SLCO1C1: variants seen among roughly 807,000 people sequenced by gnomAD.
SLCO1C1 encodes the protein OAT-RP-5.
SLCO1C1 carries 70 observed loss-of-function variants against 76.4 expected under a neutral mutation model. The ratio of observed to expected loss-of-function variants is 0.92; its 90% confidence interval spans 0.76 to 1.12. The LOEUF (loss-of-function observed/expected upper bound fraction) is 1.12, where lower values mean the gene tolerates loss of function less well. Among genes scored for constraint, SLCO1C1 ranks in the 50% most tolerant of loss-of-function variants. The pLI, the probability that SLCO1C1 is intolerant of heterozygous loss-of-function variation, is 0.00. For missense variants in SLCO1C1, 912 were observed against 823.8 expected, an observed-to-expected ratio of 1.11 and a Z score of -1.31; for synonymous variants, 306 against 286.1, an observed-to-expected ratio of 1.07 and a Z score of -0.70.
chr12:20,721,795 G>C lies in SLCO1C1; in HGVS notation c.776-9G>C. Reference sequence around the variant, plus strand: ...TTTGTATTACTTAGCCATCCCCTCTGTCTTTCAGATCACATAACCATTACC... The same window carrying C: ...TTTGTATTACTTAGCCATCCCCTCTCTCTTTCAGATCACATAACCATTACC... On this transcript the variant is annotated splice_polypyrimidine_tract_variant and intron_variant, in intron 7 of 14. Coordinates refer to ENST00000266509, the MANE Select transcript of SLCO1C1 (RefSeq NM_017435.5). 1 of 1,613,654 alleles carries C rather than the reference G, an allele frequency of 6.2e-7. No individual in the cohort carries two copies. The highest frequency in any genetic ancestry group is 8.5e-7 in the Non-Finnish European group (1 of 1,179,698).
chr12:20,728,091 G>C (rs1193498040), intron 9 of SLCO1C1, among the ~76,000 whole-genome samples: 1 of 152,126 alleles, frequency 6.6e-6, no homozygotes, highest in Non-Finnish European at 1.5e-5. Context: ...TCTTTGCCGA[G>C]TGTGATACTG....
intron 9 of SLCO1C1, among the ~76,000 whole-genome samples, chr12:20,725,437 ATATAG>A (rs1469880205): frequency 6.8e-6 from 1 of 146,388 alleles, no homozygotes; most frequent in Non-Finnish European, 1.5e-5. Flanking sequence ...CTGGTATTAT[ATATAG>A]TATATTATGT....
intron 4 of SLCO1C1, among the ~76,000 whole-genome samples, chr12:20,706,303 T>C (rs1465254697): frequency 6.6e-6 from 1 of 152,080 alleles, no homozygotes; most frequent in Non-Finnish European, 1.5e-5. Context: ...ATCAACAAGA[T>C]TAAAGAAAGA....
At chr12:20,698,715 A>G (rs539049975) in intron 1 of SLCO1C1, among the ~76,000 whole-genome samples, 2 of 152,128 alleles carry the variant, frequency 1.3e-5, no homozygotes, top group South Asian at 2.1e-4. Context: ...GGGTCATCTG[A>G]TAATATTAGG....
chr12:20,700,907 T>C (rs1483724296), intron 2 of SLCO1C1, among the ~76,000 whole-genome samples: 1 of 152,034 alleles, frequency 6.6e-6, no homozygotes, highest in Non-Finnish European at 1.5e-5. Context: ...CCCTGTGAAA[T>C]ACATAATCCC....
chr12:20,752,428 A>G lies in SLCO1C1; in HGVS notation c.2039A>G (p.Glu680Gly), dbSNP rs1176941090. 2 of 1,613,484 alleles carry G rather than the reference A, an allele frequency of 1.2e-6. No individual in the cohort carries two copies. Among genetic ancestry groups the G allele is most frequent in the Non-Finnish European group, 1.7e-6 (2 of 1,179,706 alleles). Residue 680 changes from glutamate (E) to glycine (G), a missense_variant, in exon 15 of 15, where the codon GAA becomes GGA. Transcript: ENST00000266509. Reference protein sequence around the residue: ...SKHRSFITKRERTMVSTRFQK... With the variant: ...SKHRSFITKRGRTMVSTRFQK... Reference sequence around the variant, plus strand: ...CACAGAAGTTTTATAACCAAGAGAGAAAGAACAATGGTGTCTACAAGATTC... The same window carrying G: ...CACAGAAGTTTTATAACCAAGAGAGGAAGAACAATGGTGTCTACAAGATTC...
chr12:20,728,508 A>G (rs1325923701), intron 9 of SLCO1C1, among the ~76,000 whole-genome samples: 1 of 151,534 alleles, frequency 6.6e-6, no homozygotes, highest in Non-Finnish European at 1.5e-5. Context: ...ATTTATGACA[A>G]TGATTATCAT....
intron 5 of SLCO1C1, among the ~76,000 whole-genome samples, chr12:20,713,142 C>G (rs1216654933): frequency 6.7e-6 from 1 of 148,818 alleles, no homozygotes; most frequent in Non-Finnish European, 1.5e-5. Context: ...TGCAGTGGCG[C>G]GATCTCGGCT....
chr12:20,723,146 T>C lies in SLCO1C1; in HGVS notation c.1078T>C (p.Cys360Arg), dbSNP rs760085617. 6.2e-7 allele frequency: 1 copy of C among 1,612,972 alleles called. No individual in the cohort carries two copies. The highest frequency in any genetic ancestry group is 8.5e-7 in the Non-Finnish European group (1 of 1,179,666). ...AAACCCAGTATACTTCCTATATTTA[T>C]GTACAAGCACTGTTCAGTTCAATTC... The part of the protein sequence containing the change: ...FGNPVYFLYL[C>R]TSTVQFNSLF... The change falls in exon 9 of 15, where the codon TGT becomes CGT. Residue 360 changes from cysteine to arginine, a missense_variant. Physicochemically the swap from Cys to Arg is radical, Grantham distance 180. Transcript: ENST00000266509.
chr12:20,745,633 T>A (rs181627460), intron 13 of SLCO1C1, among the ~76,000 whole-genome samples: 3 of 152,172 alleles, frequency 2.0e-5, no homozygotes, highest in African/African-American at 7.2e-5. Context: ...GAGACCAGCC[T>A]GCCCAACATG....
intron 9 of SLCO1C1, among the ~76,000 whole-genome samples, chr12:20,724,405 GTGTGTGTATATATATATATATATATA>G (rs1258063077): frequency 4.7e-4 from 14 of 29,578 alleles, no homozygotes; most frequent in African/African-American, 1.1e-3. Context: ...GTGTGTGTGT[GTGTGTGTATATATATATATATATATA>G]TATATATATA....
At position 20,701,375 on chromosome 12, in the gene SLCO1C1, C is replaced by T. The variant is rs752522673; in HGVS notation, c.187C>T (p.Leu63=). Residue 63 remains leucine, a synonymous_variant, in exon 3 of 15, where the codon CTG becomes TTG. Coordinates refer to ENST00000266509, the MANE Select transcript of SLCO1C1 (RefSeq NM_017435.5). ...YFAKALAEGY[L]KSTITQIERR... ...TGCCAAAGCATTGGCAGAAGGCTAT[C>T]TGAAGAGCACCATCACTCAGATAGA... 2.6e-6 allele frequency: 4 copies of T among 1,553,182 alleles called. No individual in the cohort carries two copies. The African/African-American group carries it at 5.4e-5, about 21-fold the overall frequency.
chr12:20,734,179 A>C lies in SLCO1C1; in HGVS notation c.1382+1075A>C, dbSNP rs527787198. Among the ~76,000 whole-genome samples, 5 of 152,212 alleles carry C rather than the reference A, an allele frequency of 3.3e-5. No homozygotes were observed. The South Asian group carries it at 1.0e-3, about 32-fold the overall frequency. Reference sequence around the variant, plus strand: ...CTTATCTGTCTTGTCTCTATGTTCCAACTTCCATCACCTTTATTAACCTGG... The same window carrying C: ...CTTATCTGTCTTGTCTCTATGTTCCCACTTCCATCACCTTTATTAACCTGG... On this transcript the variant is annotated intron_variant, in intron 10 of 14. Transcript: ENST00000266509.
At position 20,709,741 on chromosome 12, in the gene SLCO1C1, C is replaced by T. The variant is rs1201716368; in HGVS notation, c.405-1645C>T. ...CTAAAAATACAAAAAATTAGCCGGG[C>T]GCGGTGGCGGGCGCCTGTAGTCCCA... On this transcript the variant is annotated intron_variant, in intron 4 of 14. Coordinates refer to ENST00000266509, the MANE Select transcript of SLCO1C1 (RefSeq NM_017435.5). Among the ~76,000 whole-genome samples the T allele has an allele frequency of 2.3e-4, 13 of 57,190 alleles. 6 individuals carry two copies. The highest frequency in any genetic ancestry group is 5.1e-4 in the Non-Finnish European group (13 of 25,272). 37.5% of individuals were successfully genotyped at this position (57,190 alleles called of 152,430 possible).
rs1213893561 is a variant in SLCO1C1 at position 20,752,897 on chromosome 12, A to G, written c.*369A>G. 6.5e-6 allele frequency: 1 copy of G among 154,660 alleles called. No individual in the cohort carries two copies. The highest frequency in any genetic ancestry group is 1.4e-5 in the Non-Finnish European group (1 of 69,770). 9.6% of individuals were successfully genotyped at this position (154,660 alleles called of 1,614,324 possible). ...TGAACTGTGTAATGTGTCTAGAGTA[A>G]GCAAATACTGCTAACAATTAACTCA... On this transcript the variant is annotated 3_prime_UTR_variant, in exon 15 of 15. Coordinates refer to ENST00000266509, the MANE Select transcript of SLCO1C1 (RefSeq NM_017435.5).
chr12:20,707,720 T>A (rs1316898875), intron 4 of SLCO1C1, among the ~76,000 whole-genome samples: 1 of 152,204 alleles, frequency 6.6e-6, no homozygotes, highest in Non-Finnish European at 1.5e-5. Context: ...GCCACCTGGT[T>A]TTAACCAGCA....
At chr12:20,731,497 G>A (rs1948260395) in intron 9 of SLCO1C1, among the ~76,000 whole-genome samples, 1 of 152,156 alleles carries the variant, frequency 6.6e-6, no homozygotes, top group Non-Finnish European at 1.5e-5. Context: ...AGTCAGACAT[G>A]GCTACTTGAG....
chr12:20,727,146 G>C lies in SLCO1C1; in HGVS notation c.1186+3892G>C, dbSNP rs115893566. On this transcript the variant is annotated intron_variant, in intron 9 of 14. Transcript: ENST00000266509. The stretch of plus-strand genomic sequence containing the variant: ...TTCCACGTTTTTGCTATTGTGAATA[G>C]AGCTGTGATGAACATATGGGTGCAT... Among the ~76,000 whole-genome samples, 494 of 152,268 alleles carry C rather than the reference G, an allele frequency of 3.2e-3. 1 individual carries two copies. The highest frequency in any genetic ancestry group is 0.011 in the African/African-American group (470 of 41,558).
At chr12:20,696,829 A>G (rs1946290074) in intron 1 of SLCO1C1, 1 of 152,088 alleles carries the variant, frequency 6.6e-6, no homozygotes, top group Non-Finnish European at 1.5e-5. Context: ...CTCTTTTTAC[A>G]GGGGATGAAC....
Sources: allele counts gnomAD v4.1 joint callset (sites outside exome capture counted in the v4.1 genomes callset), GRCh38; gene constraint gnomAD v4.1.1; transcripts MANE v1.5; gene names NCBI Gene and HGNC (gene_info 2026-07-23, HGNC 2026-07-21).